The following CCDC7 variants were observed in gnomAD, a reference collection of about 807,000 sequenced individuals.
CCDC7 encodes coiled-coil domain-containing protein 7.
In CCDC7, 183 loss-of-function variants were observed where a neutral mutation model predicts 196.9. The ratio of observed to expected loss-of-function variants is 0.93; its 90% CI spans 0.82 to 1.05. CCDC7 has a LOEUF of 1.05. CCDC7 is among the 50% of genes least tolerant of loss of function. CCDC7 has a pLI of 0.00. For missense variants in CCDC7, 1,540 were observed against 1,482.2 expected (o/e 1.04, Z -0.64); for synonymous variants, 525 against 484.6 (o/e 1.08, Z -1.10).
At chr10:32,760,343 C>A (rs1219953823) in intron 28 of CCDC7, among the ~76,000 whole-genome samples, 1 of 151,948 alleles carries the variant, frequency 6.6e-6, no homozygotes, top group African/African-American at 2.4e-5. Flanking sequence ...TTGGAACCAA[C>A]CCAAATGTCC....
At chr10:32,718,948 C>A (rs1448498751) in intron 25 of CCDC7, among the ~76,000 whole-genome samples, 1 of 152,126 alleles carries the variant, frequency 6.6e-6, no homozygotes, top group Non-Finnish European at 1.5e-5. Context: ...GCCATACTAC[C>A]CAAAATAATT....
chr10:32,601,009 T>G (rs1454791979), intron 18 of CCDC7, among the ~76,000 whole-genome samples: 1 of 152,184 alleles, frequency 6.6e-6, no homozygotes, highest in East Asian at 1.9e-4. Context: ...TTTTTTTTCT[T>G]TTAGTACCTT....
chr10:32,661,577 T>G (rs971220669), intron 20 of CCDC7, among the ~76,000 whole-genome samples: 1 of 152,060 alleles, frequency 6.6e-6, no homozygotes. Context: ...GCCCAAGGGC[T>G]CTTTAGTCAG....
intron 25 of CCDC7, among the ~76,000 whole-genome samples, chr10:32,712,686 T>C (rs2081024301): frequency 6.6e-6 from 1 of 152,228 alleles, no homozygotes; most frequent in African/African-American, 2.4e-5. Flanking sequence ...TAACTAATCC[T>C]GATCATCCTC....
At chr10:32,527,805 G>A (rs1379746563) in intron 11 of CCDC7, among the ~76,000 whole-genome samples, 1 of 152,182 alleles carries the variant, frequency 6.6e-6, no homozygotes, top group Non-Finnish European at 1.5e-5. Context: ...GGTGAAATAG[G>A]ATGGTGGGTA....
chr10:32,557,032 T>G (rs985967454), intron 13 of CCDC7, among the ~76,000 whole-genome samples: 4 of 152,228 alleles, frequency 2.6e-5, no homozygotes, highest in Non-Finnish European at 5.9e-5. Context: ...TTTGTTCCCA[T>G]TATCACGTGC....
At chr10:32,531,221 C>T (rs992815847) in intron 11 of CCDC7, among the ~76,000 whole-genome samples, 1 of 152,056 alleles carries the variant, frequency 6.6e-6, no homozygotes, top group African/African-American at 2.4e-5. Context: ...CTCCTGGGCT[C>T]AAGCAATCCT....
chr10:32,788,740 A>C (rs2082240136), intron 29 of CCDC7, among the ~76,000 whole-genome samples: 1 of 152,196 alleles, frequency 6.6e-6, no homozygotes. Flanking sequence ...ACTCAGGCTA[A>C]AGGTCCACCC....
At chr10:32,602,306 A>G (rs901031567) in intron 18 of CCDC7, among the ~76,000 whole-genome samples, 3 of 150,922 alleles carry the variant, frequency 2.0e-5, no homozygotes, top group Non-Finnish European at 4.4e-5. Context: ...CATCTGAAGG[A>G]ACAAATTCTG....
chr10:32,676,421 AGT>A (rs935590764), intron 21 of CCDC7, among the ~76,000 whole-genome samples: 1 of 151,546 alleles, frequency 6.6e-6, no homozygotes, highest in African/African-American at 2.4e-5. Context: ...CTACCATCAG[AGT>A]GAACAGGCAA....
intron 20 of CCDC7, among the ~76,000 whole-genome samples, chr10:32,660,315 C>T (rs974873281): frequency 2.2e-5 from 3 of 138,284 alleles, no homozygotes; most frequent in Admixed American, 7.5e-5. Flanking sequence ...GTGATGTTCC[C>T]CTTCCTGTGT....
chr10:32,697,743 G>C (rs1029301868), intron 24 of CCDC7, among the ~76,000 whole-genome samples: 1 of 152,214 alleles, frequency 6.6e-6, no homozygotes, highest in Non-Finnish European at 1.5e-5. Context: ...ACCTCTGGGG[G>C]CAGGGCATAG....
intron 13 of CCDC7, among the ~76,000 whole-genome samples, chr10:32,547,650 A>G (rs965993028): frequency 2.6e-5 from 4 of 152,200 alleles, no homozygotes; most frequent in Non-Finnish European, 5.9e-5. Context: ...TATGGGATAC[A>G]TGAGATATTT....
At chr10:32,829,833 C>A (rs2091906508) in intron 32 of CCDC7, among the ~76,000 whole-genome samples, 1 of 151,734 alleles carries the variant, frequency 6.6e-6, no homozygotes, top group African/African-American at 2.4e-5. Context: ...GGCAGACCCA[C>A]CCTTAATCTG....
chr10:32,594,146 G>T (rs2060067688), intron 18 of CCDC7, among the ~76,000 whole-genome samples: 1 of 152,148 alleles, frequency 6.6e-6, no homozygotes, highest in Admixed American at 6.5e-5. Flanking sequence ...GGGCAGTATG[G>T]CCATTTTCAC....
At chr10:32,849,701 C>CAAAAAAAAAAAAAAAAAAAAAAA (rs34677799) in intron 39 of CCDC7, among the ~76,000 whole-genome samples, 1 of 80,822 alleles carries the variant, frequency 1.2e-5, no homozygotes, top group Admixed American at 1.4e-4. Flanking sequence ...GACTCCGTCT[C>CAAAAAAAAAAAAAAAAAAAAAAA]AAAAAAAAAA....
intron 13 of CCDC7, among the ~76,000 whole-genome samples, chr10:32,561,507 C>T (rs1007374911): frequency 4.3e-4 from 66 of 152,258 alleles, no homozygotes; most frequent in African/African-American, 1.3e-3. Context: ...CACTCAAAAC[C>T]GCTCAACTAC....
At chr10:32,504,277 C>T (rs536705758) in intron 9 of CCDC7, among the ~76,000 whole-genome samples, 10 of 151,958 alleles carry the variant, frequency 6.6e-5, no homozygotes, top group South Asian at 4.2e-4. Flanking sequence ...CCACAACGCC[C>T]GGCTAATTTT....
chr10:32,752,787 A>C (rs1225882831), intron 28 of CCDC7, among the ~76,000 whole-genome samples: 1 of 152,290 alleles, frequency 6.6e-6, no homozygotes, highest in East Asian at 1.9e-4. Context: ...TTCAATGTCT[A>C]GATTTTTCCT....
Sources: allele counts gnomAD v4.1 joint callset (sites outside exome capture counted in the v4.1 genomes callset), GRCh38; gene constraint gnomAD v4.1.1; transcripts MANE v1.5; gene names NCBI Gene and HGNC (gene_info 2026-07-23, HGNC 2026-07-21).